The following DNAH7 variants were observed in gnomAD, a reference collection of about 807,000 sequenced individuals.
DNAH7 encodes the protein dynein axonemal heavy chain 7, also known as axonemal beta dynein heavy chain 7.
Under a neutral mutation model 444.6 loss-of-function variants are expected in DNAH7, and 397 were observed. That is an observed-to-expected ratio of 0.89 (90% CI 0.82 to 0.97). The LOEUF (loss-of-function observed/expected upper bound fraction) is 0.97, where lower values mean the gene tolerates loss of function less well. DNAH7 is among the 50% of genes least tolerant of loss of function. DNAH7 has a pLI of 0.00. For missense variants in DNAH7, 4,902 were observed against 4,800.8 expected (o/e 1.02, Z -0.62); for synonymous variants, 1,636 against 1,624.4 (o/e 1.01, Z -0.17).
chr2:195,895,016 T>C lies in DNAH7; in HGVS notation c.4856A>G (p.Tyr1619Cys), dbSNP rs1702223316. ...ATTTAGTGCTCCAGCTAAGACACGA[T>C]ATGCACTAGTTTTTCCTCCAAATGG... Reference protein sequence around the residue: ...GEPFGGKTSAYRVLAGALNDI... With the variant: ...GEPFGGKTSACRVLAGALNDI... Residue 1619 changes from tyrosine (Y) to cysteine (C), a missense_variant, in exon 30 of 65, where the codon TAT becomes TGT. By Grantham distance (194) the Tyr-to-Cys change is radical (BLOSUM62 -2). Coordinates refer to ENST00000312428, the MANE Select transcript of DNAH7 (RefSeq NM_018897.3). 1.2e-6 allele frequency: 2 copies of C among 1,612,396 alleles called. No individual in the cohort carries two copies. Among genetic ancestry groups the C allele is most frequent in the African/African-American group, 1.3e-5 (1 of 74,912 alleles).
intron 50 of DNAH7, among the ~76,000 whole-genome samples, chr2:195,817,321 T>A (rs1485380709): frequency 6.6e-6 from 1 of 152,234 alleles, no homozygotes; most frequent in Non-Finnish European, 1.5e-5. Flanking sequence ...CTACCTATGA[T>A]ACAGATGTTA....
intron 20 of DNAH7, among the ~76,000 whole-genome samples, chr2:195,935,128 G>A (rs1438229066): frequency 2.6e-5 from 4 of 152,182 alleles, no homozygotes; most frequent in African/African-American, 7.2e-5. Flanking sequence ...TTGACTAACA[G>A]ATAAATACAT....
At chr2:195,936,207 C>T (rs1271794096) in intron 20 of DNAH7, among the ~76,000 whole-genome samples, 3 of 151,940 alleles carry the variant, frequency 2.0e-5, no homozygotes, top group Admixed American at 6.6e-5. Context: ...AACCCTGTCC[C>T]TACTAAAAAT....
intron 8 of DNAH7, among the ~76,000 whole-genome samples, chr2:196,022,978 T>C (rs528447995): frequency 4.9e-4 from 75 of 152,298 alleles, no homozygotes; most frequent in Admixed American, 8.5e-4. Context: ...TGGGGAACAG[T>C]TGATCCCAAC....
In DNAH7 at chr2:195,852,041, A is replaced by G. The variant is rs891831869; in HGVS notation, c.8781+1302T>C. On this transcript the variant is annotated intron_variant, in intron 46 of 64. Transcript: ENST00000312428. ...TGGGAGGGCAAGGTGGGCAGATCATAAGGTCAGGAGATTGAGACCATCCTG... is the reference window on the plus strand; with the variant it reads ...TGGGAGGGCAAGGTGGGCAGATCATGAGGTCAGGAGATTGAGACCATCCTG... 1.1e-4 allele frequency among the ~76,000 whole-genome samples: 17 copies of G among 152,166 alleles called. No homozygotes were observed. The South Asian group carries it at 1.2e-3, about 11-fold the overall frequency.
At chr2:195,886,920 ACT>A (rs1157094415) in intron 33 of DNAH7, among the ~76,000 whole-genome samples, 1 of 152,106 alleles carries the variant, frequency 6.6e-6, no homozygotes, top group East Asian at 1.9e-4. Context: ...GTAAAAATTA[ACT>A]CTCTGAGACA....
chr2:195,821,498 G>C (rs943843188), intron 49 of DNAH7, among the ~76,000 whole-genome samples: 1 of 152,144 alleles, frequency 6.6e-6, no homozygotes, highest in Non-Finnish European at 1.5e-5. Context: ...ACAAACATAA[G>C]CCATGTCTGT....
chr2:195,745,353 T>C lies in DNAH7; in HGVS notation c.11765-4484A>G, dbSNP rs530864617. 2.0e-5 allele frequency among the ~76,000 whole-genome samples: 3 copies of C among 152,326 alleles called. No homozygotes were observed. In the South Asian group the frequency reaches 6.2e-4, roughly 32 times the overall value. On this transcript the variant is annotated intron_variant, in intron 63 of 64. Coordinates refer to ENST00000312428, the MANE Select transcript of DNAH7 (RefSeq NM_018897.3). ...AAAGCCTCCAAGAAATATGGGATTA[T>C]GTGAAAAGACCAAATCTACGTCTCA...
chr2:195,858,313 T>G (rs16841098), intron 43 of DNAH7, among the ~76,000 whole-genome samples, 161 bp downstream of exon 43: 13,962 of 152,294 alleles, frequency 0.092, 713 homozygotes, highest in African/African-American at 0.13. Flanking sequence ...CATTTCTTTT[T>G]CAAGTCAATT....
At chr2:195,963,570 ATGT>A (rs1219085228) in intron 17 of DNAH7, among the ~76,000 whole-genome samples, 2 of 152,060 alleles carry the variant, frequency 1.3e-5, no homozygotes, top group African/African-American at 2.4e-5. Flanking sequence ...TTGTCTCTTC[ATGT>A]TGTTTATTGT....
intron 53 of DNAH7, among the ~76,000 whole-genome samples, chr2:195,808,306 C>T (rs1278951232): frequency 6.6e-6 from 1 of 152,164 alleles, no homozygotes; most frequent in African/African-American, 2.4e-5. Flanking sequence ...TCAAATGACA[C>T]ACACACAGAA....
At chr2:195,935,139 G>A (rs1688963324) in intron 20 of DNAH7, among the ~76,000 whole-genome samples, 1 of 152,196 alleles carries the variant, frequency 6.6e-6, no homozygotes, top group Non-Finnish European at 1.5e-5. Context: ...ATAAATACAT[G>A]AATCTGAAGA....
intron 6 of DNAH7, 148 bp downstream of exon 6, chr2:196,027,812 C>G: frequency 1.7e-6 from 1 of 595,044 alleles, no homozygotes; most frequent in Non-Finnish European, 2.7e-6. Flanking sequence ...CTACAAATCC[C>G]ATGGTGCCTT....
At chr2:196,011,868 A>T (rs770374911) in intron 10 of DNAH7, among the ~76,000 whole-genome samples, 1 of 152,212 alleles carries the variant, frequency 6.6e-6, no homozygotes, top group African/African-American at 2.4e-5. Context: ...GAAGTTATAG[A>T]TCAAGATAAT....
At chr2:195,959,554 C>T (rs116768790) in intron 18 of DNAH7, among the ~76,000 whole-genome samples, 1 of 152,136 alleles carries the variant, frequency 6.6e-6, no homozygotes, top group Non-Finnish European at 1.5e-5. Context: ...TACGATAACA[C>T]CTAAGTCACC....
intron 63 of DNAH7, among the ~76,000 whole-genome samples, chr2:195,745,745 A>G (rs555365078): frequency 0.01 from 1,545 of 152,300 alleles, 27 homozygotes; most frequent in African/African-American, 0.035. Flanking sequence ...ATATCCAGCC[A>G]AACTAAGCTT....
At position 195,763,564 on chromosome 2, in the gene DNAH7, A is replaced by G. The variant is rs183447981; in HGVS notation, c.11434-7279T>C. On this transcript the variant is annotated intron_variant, in intron 61 of 64. Transcript: ENST00000312428. Reference sequence around the variant, plus strand: ...AAACATTACAATAGATGGCACATAAATTCAAAGGATCATTAGTGGCTACTA... The same window carrying G: ...AAACATTACAATAGATGGCACATAAGTTCAAAGGATCATTAGTGGCTACTA... Among the ~76,000 whole-genome samples, 518 of 152,260 alleles carry G rather than the reference A, an allele frequency of 3.4e-3. 2 individuals are homozygous for G. Among genetic ancestry groups the G allele is most frequent in the Admixed American group, 4.7e-3 (72 of 15,296 alleles).
chr2:195,832,418 TTC>T (rs1559128639), intron 48 of DNAH7, among the ~76,000 whole-genome samples: 1 of 151,940 alleles, frequency 6.6e-6, no homozygotes, highest in African/African-American at 2.4e-5. Context: ...ATGTTTTGGG[TTC>T]TGTTTTTGGT....
chr2:195,808,146 A>T (rs1483593257), intron 53 of DNAH7, among the ~76,000 whole-genome samples: 1 of 152,208 alleles, frequency 6.6e-6, no homozygotes, highest in South Asian at 2.1e-4. Context: ...CCTTGTGTTA[A>T]AGAAAAATTG....
Sources: gnomAD v4.1 joint callset for allele counts (sites outside exome capture counted in the v4.1 genomes callset) on GRCh38, gnomAD v4.1.1 for gene constraint, MANE v1.5 for transcripts, NCBI Gene and HGNC (gene_info 2026-07-23, HGNC 2026-07-21) for gene names.